The following DNAH10 variants were observed in gnomAD, a reference collection of about 807,000 sequenced individuals.
DNAH10 encodes dynein axonemal heavy chain 10.
A neutral mutation model predicts 506.6 loss-of-function variants in DNAH10; 348 were observed. The ratio of observed to expected loss-of-function variants is 0.69; its 90% CI spans 0.63 to 0.75. The LOEUF (loss-of-function observed/expected upper bound fraction) is 0.75. Among genes scored for constraint, DNAH10 ranks in the 30% least tolerant of loss-of-function variants. The probability of loss-of-function intolerance (pLI) is 0.00; values close to 1 mark genes in which losing one functional copy is unlikely to be tolerated. For synonymous variants in DNAH10, 2,059 were observed against 2,198.6 expected, an observed-to-expected ratio of 0.94 and a Z score of 1.78; for missense variants, 5,179 against 5,787.1, an observed-to-expected ratio of 0.89 and a Z score of 3.41.
chr12:123,930,679 G>A (rs1955163993), intron 73 of DNAH10, 106 bp downstream of exon 73: 1 of 1,350,900 alleles, frequency 7.4e-7, no homozygotes, highest in Non-Finnish European at 1.0e-6. Context: ...CTGGTCAGGT[G>A]TGGTCTGTTA....
Position 123,925,149 on chromosome 12 carries a change from G to C in DNAH10, c.11866G>C (p.Val3956Leu). Reference protein sequence around the residue: ...QKLLILRCFRVDRVYRAVTDY... With the variant: ...QKLLILRCFRLDRVYRAVTDY... ...GTTGCTTATTTTGCGCTGTTTCCGT[G>C]TGGATCGGGTCTATCGGGCCGTGAC... The change falls in exon 68 of 79, where the codon GTG (valine) becomes CTG (leucine). Residue 3956 changes from valine (V) to leucine (L), a missense_variant. Val to Leu is a conservative substitution (Grantham distance 32, BLOSUM62 1). Around this residue, in one of 3 missense-constraint regions of DNAH10, gnomAD observed 4,844 missense variants for 5,430.5 expected, o/e 0.89. Transcript: ENST00000673944. This position sits in a 1 kb window ranked among gnomAD's most constrained non-coding sequence, Gnocchi z 4.0. The C allele has an allele frequency of 6.2e-7, 1 of 1,614,028 alleles. No individual in the cohort carries two copies. The highest frequency in any genetic ancestry group is 8.5e-7 in the Non-Finnish European group (1 of 1,179,892).
At chr12:123,874,500 TGTCCATTTATCCATCTACCC>T (rs1952165763) in intron 46 of DNAH10, among the ~76,000 whole-genome samples, 1 of 151,970 alleles carries the variant, frequency 6.6e-6, no homozygotes, top group Non-Finnish European at 1.5e-5. Flanking sequence ...TCCATCTACC[TGTCCATTTATCCATCTACCC>T]GTCCATTTAT....
chr12:123,786,129 T>C (rs1957841711), intron 9 of DNAH10, among the ~76,000 whole-genome samples, 193 bp downstream of exon 9: 1 of 151,938 alleles, frequency 6.6e-6, no homozygotes, highest in Non-Finnish European at 1.5e-5. Context: ...AGGTGGCGGA[T>C]TGCTTGAGGC....
At chr12:123,794,826 A>T (rs1199787443) in intron 12 of DNAH10, among the ~76,000 whole-genome samples, 1 of 146,404 alleles carries the variant, frequency 6.8e-6, no homozygotes, top group Non-Finnish European at 1.5e-5. Flanking sequence ...CAGCCTGGGC[A>T]ACAGAGTGAA....
At chr12:123,856,497 C>G (rs1951397503) in intron 36 of DNAH10, among the ~76,000 whole-genome samples, 1 of 150,184 alleles carries the variant, frequency 6.7e-6, no homozygotes, top group Non-Finnish European at 1.5e-5. Context: ...CCGCCACACC[C>G]AGCTAATTTT....
chr12:123,879,884 C>T (rs1164693008), intron 50 of DNAH10, 83 bp downstream of exon 50: 31 of 1,505,050 alleles, frequency 2.1e-5, no homozygotes, highest in East Asian at 9.1e-5. Flanking sequence ...CGCGGGTGCC[C>T]GGGAGCCTAT....
chr12:123,857,233 G>C lies in DNAH10; in HGVS notation c.6616G>C (p.Val2206Leu). The C allele has an allele frequency of 1.9e-6, 3 of 1,566,000 alleles. No homozygotes were observed. Among genetic ancestry groups the C allele is most frequent in the Non-Finnish European group, 2.6e-6 (3 of 1,153,126 alleles). The change falls in exon 37 of 79, where the codon GTC (valine) becomes CTC (leucine). Residue 2206 changes from valine to leucine, a missense_variant. Transcript: ENST00000673944. ...GGTCCTGGAGGAGAACGGCTACGCG[G>C]TCCTACCCATCCAGGTAAAGCCAGG... ...EQVLEENGYA[V>L]LPIQVDKVVQ...
chr12:123,819,217 G>A lies in DNAH10; in HGVS notation c.3967G>A (p.Gly1323Ser). Residue 1323 changes from glycine to serine, a missense_variant, in exon 23 of 79, where the codon GGC becomes AGC. Around this residue, in one of 3 missense-constraint regions of DNAH10, gnomAD observed 4,844 missense variants for 5,430.5 expected, o/e 0.89. Coordinates refer to ENST00000673944, the MANE Select transcript of DNAH10 (RefSeq NM_001372106.1). ...GTTTGCAAAGCGTTTTTACAGTGAA[G>A]GCCCTGGTTCTGTTGGTGATGATCT... is the stretch of plus-strand genomic sequence containing the variant. ...EEFAKRFYSE[G>S]PGSVGDDLDK... 2 of 1,613,386 alleles carry A rather than the reference G, an allele frequency of 1.2e-6. No homozygotes were observed. Among genetic ancestry groups the A allele is most frequent in the South Asian group, 1.1e-5 (1 of 90,814 alleles).
intron 3 of DNAH10, 41 bp from the exon 4 acceptor site, chr12:123,772,793 T>C (rs774388612): frequency 7.0e-7 from 1 of 1,434,038 alleles, no homozygotes; most frequent in Non-Finnish European, 9.6e-7. Flanking sequence ...GGTGAATGGA[T>C]GTATCACAAG....
Position 123,931,949 on chromosome 12 carries a change from T to G in DNAH10, c.13137T>G (p.Ala4379=). 1 of 1,614,034 alleles carries G rather than the reference T, an allele frequency of 6.2e-7. No homozygotes were observed. Among genetic ancestry groups the G allele is most frequent in the Non-Finnish European group, 8.5e-7 (1 of 1,179,894 alleles). The change falls in exon 76 of 79, where the codon GCT becomes GCG. Residue 4379 remains alanine (A), a synonymous_variant. Coordinates refer to ENST00000673944, the MANE Select transcript of DNAH10 (RefSeq NM_001372106.1). ...CTCTTGATTCTAAATAGGCCTTGGC[T>G]GGAGAAGTTGGAATGAGCAATGAGT... ...KSLAELQRAL[A]GEVGMSNELD...
chr12:123,848,162 T>A, intron 33 of DNAH10, 67 bp downstream of exon 33: 1 of 1,550,532 alleles, frequency 6.4e-7, no homozygotes, highest in Non-Finnish European at 8.7e-7. Flanking sequence ...GACATGGCAT[T>A]TCACCTCCTA....
chr12:123,799,191 G>A, intron 13 of DNAH10, 55 bp from the exon 14 acceptor site: 1 of 1,502,210 alleles, frequency 6.7e-7, no homozygotes, highest in Non-Finnish European at 9.1e-7. Flanking sequence ...TGTAGAGCGA[G>A]ATGAAAAATG....
chr12:123,884,394 C>T (rs935424432), intron 51 of DNAH10, among the ~76,000 whole-genome samples: 9 of 152,116 alleles, frequency 5.9e-5, no homozygotes, highest in Admixed American at 1.3e-4. Context: ...TAACAAAGTG[C>T]GATAGACTGG....
At position 123,919,765 on chromosome 12, in the gene DNAH10, C is replaced by T. The variant is rs1013878448; in HGVS notation, c.11506+816C>T. Reference sequence around the variant, plus strand: ...CACTCCACTCCGTGACCTCACGGTTCATCCGTGTTGCTGCGTGTGTCAGCG... The same window carrying T: ...CACTCCACTCCGTGACCTCACGGTTTATCCGTGTTGCTGCGTGTGTCAGCG... On this transcript the variant is annotated intron_variant, in intron 65 of 78. Coordinates refer to ENST00000673944, the MANE Select transcript of DNAH10 (RefSeq NM_001372106.1). The surrounding 1 kb of genome is among the most constrained non-coding windows in gnomAD (Gnocchi z 4.9). Among the ~76,000 whole-genome samples the T allele has an allele frequency of 3.3e-5, 5 of 152,260 alleles. No homozygotes were observed. The highest frequency in any genetic ancestry group is 5.9e-5 in the Non-Finnish European group (4 of 68,056).
chr12:123,804,703 T>C, intron 17 of DNAH10, 130 bp from the exon 18 acceptor site: 1 of 780,288 alleles, frequency 1.3e-6, no homozygotes, highest in Non-Finnish European at 2.2e-6. Context: ...TTGACTTATG[T>C]TCTGCTTTGG....
chr12:123,862,059 C>T (rs144541405), intron 39 of DNAH10, among the ~76,000 whole-genome samples: 54 of 152,298 alleles, frequency 3.5e-4, no homozygotes, highest in Non-Finnish European at 6.6e-4. Context: ...TAATTAGATT[C>T]AGGCCATGGC....
intron 45 of DNAH10, among the ~76,000 whole-genome samples, chr12:123,872,743 C>G (rs1050461215): frequency 1.3e-5 from 2 of 152,102 alleles, no homozygotes; most frequent in Admixed American, 6.5e-5. Flanking sequence ...GCTGGTAATT[C>G]AAGGCTGCAG....
chr12:123,929,412 G>T lies in DNAH10; in HGVS notation c.12444G>T (p.Val4148=). ...LVYVLAFFHA[V]VQERRKFGKI... ...ACGTGCTGGCGTTCTTTCATGCTGTGGTGCAGGAGAGAAGGAAGTTTGGGA... is the reference window on the plus strand; with the variant it reads ...ACGTGCTGGCGTTCTTTCATGCTGTTGTGCAGGAGAGAAGGAAGTTTGGGA... The change falls in exon 71 of 79, where the codon GTG becomes GTT. Residue 4148 remains valine, a synonymous_variant. Transcript: ENST00000673944. 1.2e-6 allele frequency: 2 copies of T among 1,613,694 alleles called. No homozygotes were observed. Among genetic ancestry groups the T allele is most frequent in the Non-Finnish European group, 1.7e-6 (2 of 1,179,794 alleles).
Position 123,820,628 on chromosome 12 carries a change from A to G in DNAH10, c.4049A>G (p.Lys1350Arg). Residue 1350 changes from lysine to arginine, a missense_variant, in exon 24 of 79, where the codon AAG becomes AGG. Physicochemically the swap from Lys to Arg is conservative, Grantham distance 26. Around this residue, in one of 3 missense-constraint regions of DNAH10, gnomAD observed 4,844 missense variants for 5,430.5 expected, o/e 0.89. Coordinates refer to ENST00000673944, the MANE Select transcript of DNAH10 (RefSeq NM_001372106.1). ...VYERELARHE[K>R]SRQELANAEK... The stretch of plus-strand genomic sequence containing the variant: ...GAAAGAGAGCTGGCAAGACATGAAA[A>G]GAGCCGTCAGGAACTGGCTAACGCT... 1 of 1,614,032 alleles carries G rather than the reference A, an allele frequency of 6.2e-7. No individual in the cohort carries two copies. Among genetic ancestry groups the G allele is most frequent in the Non-Finnish European group, 8.5e-7 (1 of 1,179,896 alleles).
Sources: gnomAD v4.1 joint callset for allele counts (sites outside exome capture counted in the v4.1 genomes callset) on GRCh38, gnomAD v4.1.1 for gene constraint, gnomAD v4.1.1 regional missense constraint, Gnocchi (gnomAD v3.1) non-coding constraint, MANE v1.5 for transcripts, NCBI Gene and HGNC (gene_info 2026-07-23, HGNC 2026-07-21) for gene names.